The following IL23R variants were observed in gnomAD, a reference collection of about 807,000 sequenced individuals.
IL23R encodes interleukin 23 receptor.
Under a neutral mutation model 56.9 loss-of-function variants are expected in IL23R, and 34 were observed. The observed-to-expected ratio is 0.60, with a 90% CI of 0.45 to 0.80. IL23R has a LOEUF of 0.80. Ranked by LOEUF, IL23R falls within the 30% of genes least tolerant of loss-of-function variation. IL23R has a pLI of 0.00. For missense variants in IL23R, 635 were observed against 730.0 expected, an observed-to-expected ratio of 0.87 and a Z score of 1.50; for synonymous variants, 230 against 249.2, an observed-to-expected ratio of 0.92 and a Z score of 0.73.
chr1:67,192,059 G>A (rs1435115943), intron 4 of IL23R, among the ~76,000 whole-genome samples: 1 of 152,178 alleles, frequency 6.6e-6, no homozygotes, highest in East Asian at 1.9e-4. Flanking sequence ...GCATGACATG[G>A]CAAGCCAGCA....
chr1:67,166,357 T>C (rs908928002), upstream of IL23R: 1 of 152,340 alleles, frequency 6.6e-6, no homozygotes, highest in Non-Finnish European at 1.5e-5. Flanking sequence ...AATTGGACAG[T>C]TTGAGTTCCT....
At chr1:67,182,386 T>G (rs1647159449) in intron 3 of IL23R, among the ~76,000 whole-genome samples, 1 of 152,212 alleles carries the variant, frequency 6.6e-6, no homozygotes, top group African/African-American at 2.4e-5. Flanking sequence ...GATCTCAGAC[T>G]GCTGTGCTAG....
At chr1:67,228,138 TTCTG>T (rs753980886) in intron 7 of IL23R, among the ~76,000 whole-genome samples, 4 of 133,774 alleles carry the variant, frequency 3.0e-5, no homozygotes, top group Non-Finnish European at 6.5e-5. Context: ...CCTTCTTTCT[TTCTG>T]TCTTTCTTTT....
At chr1:67,214,481 A>C (rs763284113) in intron 6 of IL23R, among the ~76,000 whole-genome samples, 1 of 152,180 alleles carries the variant, frequency 6.6e-6, no homozygotes, top group Non-Finnish European at 1.5e-5. Context: ...ATATTCTTTC[A>C]GTTCCATTTG....
rs373108437 is a variant in IL23R at position 67,155,165 on chromosome 1, A to G, written c.-633-12927A>G. ...AGTTTCTGCTGAGAGATCTGCTGTT[A>G]GTCTGATGGGCTTCCCTTTGTAGGT... On this transcript the variant is annotated intron_variant, in intron 1 of 10. Transcript: ENST00000637002. Among the ~76,000 whole-genome samples the G allele has an allele frequency of 2.0e-5, 3 of 152,300 alleles. No homozygotes were observed. The East Asian group carries it at 5.8e-4, about 29-fold the overall frequency.
chr1:67,139,926 A>G (rs1646620174), intron 1 of IL23R, among the ~76,000 whole-genome samples: 1 of 152,092 alleles, frequency 6.6e-6, no homozygotes, highest in African/African-American at 2.4e-5. Flanking sequence ...AGATTAATGG[A>G]TTATCATGGG....
chr1:67,148,369 C>G (rs1646700730), intron 1 of IL23R, among the ~76,000 whole-genome samples: 1 of 152,250 alleles, frequency 6.6e-6, no homozygotes, highest in African/African-American at 2.4e-5. Flanking sequence ...AGGGGGTTTC[C>G]CCTGCCCGCT....
At chr1:67,264,496 T>G (rs913181962), downstream of IL23R, among the ~76,000 whole-genome samples, 3 of 152,216 alleles carry the variant, frequency 2.0e-5, no homozygotes, top group Non-Finnish European at 1.5e-5. Flanking sequence ...AAAAACAACT[T>G]ATGAATCTCT....
intron 6 of IL23R, among the ~76,000 whole-genome samples, chr1:67,215,896 C>G (rs919880781): frequency 7.2e-5 from 11 of 152,168 alleles, no homozygotes; most frequent in Admixed American, 6.5e-4. Flanking sequence ...ATTATTTTTT[C>G]TGCCAATTCC....
intron 7 of IL23R, among the ~76,000 whole-genome samples, chr1:67,233,365 T>TA (rs543602307): frequency 4.9e-4 from 73 of 147,724 alleles, no homozygotes; most frequent in Middle Eastern, 3.5e-3. Flanking sequence ...GATTCTGTCT[T>TA]AAAAAAAAAA....
chr1:67,211,790 C>T (rs1211012894), intron 6 of IL23R, among the ~76,000 whole-genome samples: 3 of 152,252 alleles, frequency 2.0e-5, no homozygotes, highest in Admixed American at 1.3e-4. Context: ...TTCTCTGCTC[C>T]CCCTGGTGGT....
chr1:67,200,317 C>T (rs1460990026), intron 4 of IL23R, among the ~76,000 whole-genome samples: 1 of 151,956 alleles, frequency 6.6e-6, no homozygotes, highest in Non-Finnish European at 1.5e-5. Flanking sequence ...GCTGGGATTA[C>T]AAGCGTGAGC....
intron 5 of IL23R, among the ~76,000 whole-genome samples, chr1:67,202,378 C>T (rs555070361): frequency 1.3e-5 from 2 of 151,940 alleles, no homozygotes; most frequent in African/African-American, 4.8e-5. Context: ...ATCTATATTG[C>T]CACAAAGTTG....
intron 7 of IL23R, among the ~76,000 whole-genome samples, chr1:67,225,332 T>C (rs1263808927): frequency 6.6e-6 from 1 of 152,098 alleles, no homozygotes; most frequent in African/African-American, 2.4e-5. Context: ...AGGTTTCTGA[T>C]AGGATAGGTA....
At chr1:67,158,021 G>T (rs562747718) in intron 1 of IL23R, among the ~76,000 whole-genome samples, 5 of 152,254 alleles carry the variant, frequency 3.3e-5, no homozygotes, top group East Asian at 3.9e-4. Context: ...TTGGAGACCA[G>T]CCTGGCCAAC....
At chr1:67,162,123 T>C (rs768366755), upstream of IL23R, among the ~76,000 whole-genome samples, 1 of 151,854 alleles carries the variant, frequency 6.6e-6, no homozygotes, top group Non-Finnish European at 1.5e-5. Flanking sequence ...AAATTTTACA[T>C]ATAAATTTTA....
chr1:67,256,767 G>A (rs1652975348), intron 10 of IL23R, among the ~76,000 whole-genome samples: 1 of 152,178 alleles, frequency 6.6e-6, no homozygotes, highest in African/African-American at 2.4e-5. Context: ...AAGAAGATGA[G>A]GTGTTTGTAA....
At chr1:67,172,596 C>T (rs942071324) in intron 3 of IL23R, among the ~76,000 whole-genome samples, 1 of 152,042 alleles carries the variant, frequency 6.6e-6, no homozygotes, top group Admixed American at 6.6e-5. Flanking sequence ...TTAAAAATAC[C>T]AAATTAAACC....
At chr1:67,245,815 C>T (rs1652181389) in intron 9 of IL23R, among the ~76,000 whole-genome samples, 1 of 152,132 alleles carries the variant, frequency 6.6e-6, no homozygotes, top group Non-Finnish European at 1.5e-5. Context: ...CAGAATGATG[C>T]TGGCCTCATA....
Sources: gnomAD v4.1 joint callset for allele counts (sites outside exome capture counted in the v4.1 genomes callset) on GRCh38, gnomAD v4.1.1 for gene constraint, MANE v1.5 for transcripts, NCBI Gene and HGNC (gene_info 2026-07-23, HGNC 2026-07-21) for gene names.